ZNF676: variants seen among roughly 807,000 people sequenced by gnomAD.
ZNF676 encodes zinc finger protein 676.
Under a neutral mutation model 6.0 loss-of-function variants are expected in ZNF676, and 4 were observed. That is an observed-to-expected ratio of 0.67 (90% CI 0.33 to 1.53). The LOEUF is 1.53. Among genes scored for constraint, ZNF676 ranks in the 40% most tolerant of loss-of-function variants. The pLI, the probability that ZNF676 is intolerant of heterozygous loss-of-function variation, is 0.06. For synonymous variants in ZNF676, 198 were observed against 223.1 expected (o/e 0.89, Z 1.00); for missense variants, 644 against 679.7 (o/e 0.95, Z 0.58).
At chr19:22,216,604 ATT>A (rs2024193352), upstream of ZNF676, among the ~76,000 whole-genome samples, 1 of 138,292 alleles carries the variant, frequency 7.2e-6, no homozygotes, top group African/African-American at 2.9e-5. Context: ...TTTCTATTTT[ATT>A]TTAATAGCCT....
intron 2 of ZNF676, among the ~76,000 whole-genome samples, chr19:22,182,585 T>TAAAAAAAAAAA (rs67699215): frequency 8.9e-5 from 4 of 45,044 alleles, no homozygotes; most frequent in African/African-American, 3.2e-4. Context: ...GTCAAAGTTC[T>TAAAAAAAAAAA]AAAAAAAAAA....
the ZNF676 span, chr19:22,244,393 C>T: frequency 6.6e-6 from 1 of 152,196 alleles, no homozygotes; most frequent in Admixed American, 6.5e-5. Context: ...CAGGATCTTA[C>T]TTGTTTCCCT....
At chr19:22,239,364 G>A in the ZNF676 span, among the ~76,000 whole-genome samples, 55 of 151,620 alleles carry the variant, frequency 3.6e-4, no homozygotes, top group African/African-American at 1.3e-3. Context: ...ATTTTAACTA[G>A]AGACAGGGTT....
intron 1 of ZNF676, among the ~76,000 whole-genome samples, chr19:22,206,482 G>T (rs756722683): frequency 5.3e-5 from 8 of 152,056 alleles, no homozygotes; most frequent in Non-Finnish European, 1.2e-4. Flanking sequence ...AGACCAGCCT[G>T]GCCAACATGA....
the ZNF676 span, among the ~76,000 whole-genome samples, chr19:22,232,172 C>A: frequency 6.6e-6 from 1 of 151,256 alleles, no homozygotes; most frequent in African/African-American, 2.4e-5. Context: ...CTTTTCTTTT[C>A]TTTTCTTTTT....
At chr19:22,239,923 A>C in the ZNF676 span, among the ~76,000 whole-genome samples, 3 of 152,240 alleles carry the variant, frequency 2.0e-5, no homozygotes, top group Non-Finnish European at 4.4e-5. Context: ...AAGGACAAAG[A>C]CAAGAAAGTC....
At chr19:22,251,071 G>A in the ZNF676 span, among the ~76,000 whole-genome samples, 2 of 152,286 alleles carry the variant, frequency 1.3e-5, no homozygotes, top group Non-Finnish European at 2.9e-5. Flanking sequence ...CCCAAGAAGA[G>A]AGAAATTCAC....
chr19:22,196,505 C>T lies in ZNF676; in HGVS notation c.34+95G>A, dbSNP rs1259436756. On this transcript the variant is annotated intron_variant, in intron 1 of 2. Coordinates refer to ENST00000397121, the MANE Select transcript of ZNF676 (RefSeq NM_001001411.3). The stretch of plus-strand genomic sequence containing the variant: ...ATACTCTTTTGTCTTTGTCTGTATT[C>T]TCGCATTCATCCTCCTTTGTTCAGT... 6.2e-6 allele frequency: 10 copies of T among 1,601,208 alleles called. No homozygotes were observed. The Admixed American group carries it at 1.4e-4, about 22-fold the overall frequency.
the ZNF676 span, among the ~76,000 whole-genome samples, chr19:22,246,210 C>T: frequency 6.6e-6 from 1 of 152,132 alleles, no homozygotes; most frequent in South Asian, 2.1e-4. Context: ...CCCCTGTAGG[C>T]AGGGCCCATG....
At chr19:22,215,098 C>T (rs1329470031) in intron 1 of ZNF676, among the ~76,000 whole-genome samples, 1 of 151,088 alleles carries the variant, frequency 6.6e-6, no homozygotes, top group Non-Finnish European at 1.5e-5. Flanking sequence ...TGTACCTAAC[C>T]AATTATTGAA....
At chr19:22,247,575 A>AT in the ZNF676 span, among the ~76,000 whole-genome samples, 1 of 150,972 alleles carries the variant, frequency 6.6e-6, no homozygotes, top group South Asian at 2.1e-4. Flanking sequence ...AAAAAAAAAA[A>AT]AATTTAGGGG....
At chr19:22,218,702 T>A (rs146426503), upstream of ZNF676, among the ~76,000 whole-genome samples, 18 of 152,230 alleles carry the variant, frequency 1.2e-4, no homozygotes, top group East Asian at 3.5e-3. Flanking sequence ...ACCATTCTAT[T>A]CAATAGAATA....
chr19:22,234,233 C>T, the ZNF676 span, among the ~76,000 whole-genome samples: 3 of 152,156 alleles, frequency 2.0e-5, no homozygotes, highest in Admixed American at 6.5e-5. Context: ...TATACAGAAC[C>T]GTCTGTAAAT....
upstream of ZNF676, chr19:22,215,805 C>G (rs554187827): frequency 2.9e-4 from 201 of 686,626 alleles, no homozygotes; most frequent in African/African-American, 1.6e-3. Context: ...TGTCCCCCCC[C>G]CCAGCTGCCT....
the ZNF676 span, among the ~76,000 whole-genome samples, chr19:22,255,419 C>T: frequency 1.3e-5 from 2 of 152,150 alleles, no homozygotes; most frequent in African/African-American, 4.8e-5. Context: ...CACAATCCAG[C>T]TTGAGATTTT....
rs957157032 is a variant in ZNF676, at chr19:22,179,105, T to C, written c.*845A>G. On this transcript the variant is annotated 3_prime_UTR_variant, in exon 3 of 3. Coordinates refer to ENST00000397121, the MANE Select transcript of ZNF676 (RefSeq NM_001001411.3). ...GAGTATTGGTTAAATGTGTGCCACA[T>C]TGTTTATTCTAGTAGTTTTCTCCAG... 1.3e-5 allele frequency: 2 copies of C among 154,266 alleles called. No individual in the cohort carries two copies. Among genetic ancestry groups the C allele is most frequent in the Non-Finnish European group, 1.4e-5 (1 of 69,332 alleles). 9.6% of individuals were successfully genotyped at this position (154,266 alleles called of 1,614,324 possible). A position where few individuals can be genotyped will look rare whatever the true frequency, so the allele number is the denominator to read the frequency against.
chr19:22,222,718 A>G, the ZNF676 span, among the ~76,000 whole-genome samples: 1 of 152,136 alleles, frequency 6.6e-6, no homozygotes, highest in Non-Finnish European at 1.5e-5. Context: ...TTTGTAATAG[A>G]GAGAGGTGGT....
At chr19:22,215,803 C>CT (rs535559247), upstream of ZNF676, 5 of 680,012 alleles carry the variant, frequency 7.4e-6, no homozygotes, top group Non-Finnish European at 9.6e-6. Flanking sequence ...CCTGTCCCCC[C>CT]CCCCAGCTGC....
the ZNF676 span, among the ~76,000 whole-genome samples, chr19:22,224,116 A>G: frequency 1.3e-5 from 2 of 149,988 alleles, no homozygotes; most frequent in Non-Finnish European, 3.0e-5. Context: ...CCTGCCTTCC[A>G]TGAGTACACA....
Sources: allele counts gnomAD v4.1 joint callset (sites outside exome capture counted in the v4.1 genomes callset), GRCh38; gene constraint gnomAD v4.1.1; transcripts MANE v1.5; gene names NCBI Gene and HGNC (gene_info 2026-07-23, HGNC 2026-07-21).